CCDC85C: variants seen among roughly 807,000 people sequenced by gnomAD.
CCDC85C encodes coiled-coil domain-containing protein 85C.
CCDC85C carries 18 observed loss-of-function variants against 38.3 expected under a neutral mutation model. That is an observed-to-expected ratio of 0.47 (90% CI 0.33 to 0.70). The LOEUF is 0.70. Among genes scored for constraint, CCDC85C ranks in the 30% least tolerant of loss-of-function variants. The pLI is 0.03. For synonymous variants in CCDC85C, 264 were observed against 293.8 expected (o/e 0.90, Z 1.04); for missense variants, 566 against 621.2 (o/e 0.91, Z 0.94).
At position 99,583,601 on chromosome 14, in the gene CCDC85C, T is replaced by A. The variant is rs764897438; in HGVS notation, c.793+19566A>T. Among the ~76,000 whole-genome samples, 10 of 151,456 alleles carry A rather than the reference T, an allele frequency of 6.6e-5. No homozygotes were observed. The Middle Eastern group carries it at 0.011, about 161-fold the overall frequency. Reference sequence around the variant, plus strand: ...GCGGGCGGATCACAAGGTCAGAAGTTTGAGATCAGCCTGGCCAATACGGTA... The same window carrying A: ...GCGGGCGGATCACAAGGTCAGAAGTATGAGATCAGCCTGGCCAATACGGTA... On this transcript the variant is annotated intron_variant, in intron 1 of 5. Transcript: ENST00000380243.
At chr14:99,597,317 G>A (rs1283567585) in intron 1 of CCDC85C, among the ~76,000 whole-genome samples, 1 of 152,138 alleles carries the variant, frequency 6.6e-6, no homozygotes. Flanking sequence ...GTCAAGTCCC[G>A]CTTCCCACCT....
chr14:99,521,146 A>G (rs1246485915), intron 3 of CCDC85C, among the ~76,000 whole-genome samples: 1 of 152,236 alleles, frequency 6.6e-6, no homozygotes, highest in Non-Finnish European at 1.5e-5. Flanking sequence ...GGCACGGGGC[A>G]TGAAGACTAA....
At position 99,520,308 on chromosome 14, in the gene CCDC85C, G is replaced by C. The variant is rs1405697918; in HGVS notation, c.975+1825C>G. 1.3e-5 allele frequency among the ~76,000 whole-genome samples: 2 copies of C among 152,122 alleles called. No homozygotes were observed. Among genetic ancestry groups the C allele is most frequent in the East Asian group, 3.9e-4 (2 of 5,184 alleles). ...CCAAGTGCCAGACATGGGCTCTCCA[G>C]GCCCCAGCAAGGGCCTCTGGCCCTG... On this transcript the variant is annotated intron_variant, in intron 3 of 5. Coordinates refer to ENST00000380243, the MANE Select transcript of CCDC85C (RefSeq NM_001144995.2). The surrounding 1 kb of genome is among the most constrained non-coding windows in gnomAD (Gnocchi z 4.1).
At chr14:99,600,949 TG>T (rs1168042568) in intron 1 of CCDC85C, among the ~76,000 whole-genome samples, 3 of 152,126 alleles carry the variant, frequency 2.0e-5, no homozygotes, top group African/African-American at 7.2e-5. Flanking sequence ...CACTTAAGCC[TG>T]GGAGGTTGAG....
rs1896933537 is a variant in CCDC85C at position 99,504,802 on chromosome 14, A to G, written c.*10444T>C. ...AATTGACCGACATTAAATGTTAGACACAAGAACGGGCTACACTCCATGCCA... is the reference window on the plus strand; with the variant it reads ...AATTGACCGACATTAAATGTTAGACGCAAGAACGGGCTACACTCCATGCCA... On this transcript the variant is annotated 3_prime_UTR_variant, in exon 6 of 6. Transcript: ENST00000380243. 6.6e-6 allele frequency: 1 copy of G among 152,226 alleles called. No individual in the cohort carries two copies. Among genetic ancestry groups the G allele is most frequent in the Non-Finnish European group, 1.5e-5 (1 of 68,060 alleles). 9.4% of individuals were successfully genotyped at this position (152,226 alleles called of 1,614,324 possible).
chr14:99,503,709 C>A lies in CCDC85C; in HGVS notation c.*11537G>T, dbSNP rs1896900979. 8 of 1,367,216 alleles carry A rather than the reference C, an allele frequency of 5.9e-6. No individual in the cohort carries two copies. In the South Asian group the frequency reaches 1.1e-4, roughly 18 times the overall value. 84.7% of individuals were successfully genotyped at this position (1,367,216 alleles called of 1,614,324 possible). On this transcript the variant is annotated 3_prime_UTR_variant, in exon 6 of 6. Transcript: ENST00000380243. ...TATATGCAAAACTTTAAATTCTTAG[C>A]CAACATTGTTTCTTTTCAGATCTAA...
At position 99,507,171 on chromosome 14, in the gene CCDC85C, G is replaced by A; in HGVS notation, c.*8075C>T. On this transcript the variant is annotated 3_prime_UTR_variant, in exon 6 of 6. Coordinates refer to ENST00000380243, the MANE Select transcript of CCDC85C (RefSeq NM_001144995.2). ...AGGTAAGCATCTGCTGAAGCAGCTT[G>A]GCCAGCTGTGCACATCGCCTCTGAA... 1.4e-6 allele frequency: 2 copies of A among 1,451,738 alleles called. No individual in the cohort carries two copies. The highest frequency in any genetic ancestry group is 1.9e-6 in the Non-Finnish European group (2 of 1,032,596). 89.9% of individuals were successfully genotyped at this position (1,451,738 alleles called of 1,614,324 possible).
chr14:99,567,812 C>T (rs1385993284), intron 1 of CCDC85C, among the ~76,000 whole-genome samples: 2 of 152,124 alleles, frequency 1.3e-5, no homozygotes, highest in Admixed American at 1.3e-4. Context: ...GCAACAAGAG[C>T]GAAACTCTGT....
chr14:99,598,915 C>G (rs1222813076), intron 1 of CCDC85C, among the ~76,000 whole-genome samples: 2 of 152,192 alleles, frequency 1.3e-5, no homozygotes, highest in Non-Finnish European at 2.9e-5. Flanking sequence ...CCTGGGTCAC[C>G]TGCCTGGGAG....
rs988723789 is a variant in CCDC85C, at chr14:99,544,083, G to C, written c.794-7995C>G. ...TTTGCTGAGTACCCACCATATGCCA[G>C]CACACACGGAGCACAACCCCATCAC... On this transcript the variant is annotated intron_variant, in intron 1 of 5. Coordinates refer to ENST00000380243, the MANE Select transcript of CCDC85C (RefSeq NM_001144995.2). This position sits in a 1 kb window ranked among gnomAD's most constrained non-coding sequence, Gnocchi z 5.3. Among the ~76,000 whole-genome samples the C allele has an allele frequency of 6.6e-6, 1 of 152,186 alleles. No individual in the cohort carries two copies. Among genetic ancestry groups the C allele is most frequent in the African/African-American group, 2.4e-5 (1 of 41,434 alleles).
At chr14:99,596,038 G>A (rs1202553080) in intron 1 of CCDC85C, among the ~76,000 whole-genome samples, 3 of 152,272 alleles carry the variant, frequency 2.0e-5, no homozygotes, top group Non-Finnish European at 4.4e-5. Context: ...GCCCCAGGTG[G>A]GCAGGGAGGG....
intron 1 of CCDC85C, among the ~76,000 whole-genome samples, chr14:99,573,960 G>T (rs369841077): frequency 6.6e-6 from 1 of 152,166 alleles, no homozygotes; most frequent in African/African-American, 2.4e-5. Flanking sequence ...TCATCAACTC[G>T]TCTCATCCTG....
chr14:99,536,391 C>G, intron 1 of CCDC85C, among the ~76,000 whole-genome samples: 1 of 152,208 alleles, frequency 6.6e-6, no homozygotes, highest in Non-Finnish European at 1.5e-5. Flanking sequence ...CCTTCAGGAC[C>G]TGTAGAAAGG....
At position 99,502,820 on chromosome 14, in the gene CCDC85C, C is replaced by G. The variant is rs748943823; in HGVS notation, c.*12426G>C. ...ACAGCCCCCATCTCTTCAGCCTACA[C>G]CACAAGTGCCGCAAGTACAGCAGTC... is the stretch of plus-strand genomic sequence containing the variant. On this transcript the variant is annotated 3_prime_UTR_variant, in exon 6 of 6. Transcript: ENST00000380243. 3 of 1,613,842 alleles carry G rather than the reference C, an allele frequency of 1.9e-6. No homozygotes were observed. Among genetic ancestry groups the G allele is most frequent in the African/African-American group, 1.3e-5 (1 of 75,012 alleles).
At chr14:99,585,270 T>C (rs1459384867) in intron 1 of CCDC85C, among the ~76,000 whole-genome samples, 1 of 152,182 alleles carries the variant, frequency 6.6e-6, no homozygotes, top group Non-Finnish European at 1.5e-5. Flanking sequence ...CTAAATTTCC[T>C]ACAATAAACA....
At chr14:99,601,547 C>G (rs1206809178) in intron 1 of CCDC85C, among the ~76,000 whole-genome samples, 1 of 152,190 alleles carries the variant, frequency 6.6e-6, no homozygotes. Context: ...AAACATTTCA[C>G]TTTCCAGCCA....
At chr14:99,594,529 T>C (rs1595108563) in intron 1 of CCDC85C, among the ~76,000 whole-genome samples, 1 of 152,120 alleles carries the variant, frequency 6.6e-6, no homozygotes, top group Non-Finnish European at 1.5e-5. Context: ...ACGAGGCAGG[T>C]GATAAAACCC....
intron 1 of CCDC85C, among the ~76,000 whole-genome samples, chr14:99,549,438 T>C (rs1345221090): frequency 1.3e-5 from 2 of 152,148 alleles, no homozygotes; most frequent in African/African-American, 4.8e-5. Flanking sequence ...TTCACAGGCG[T>C]CTGGCTGGAA....
At chr14:99,551,680 GGGTGAGA>G (rs1179106570) in intron 1 of CCDC85C, among the ~76,000 whole-genome samples, 1 of 150,672 alleles carries the variant, frequency 6.6e-6, no homozygotes, top group Non-Finnish European at 1.5e-5. Flanking sequence ...GTGTGCAGGT[GGGTGAGA>G]GGTGAGTGTG....
Sources: gnomAD v4.1 joint callset for allele counts (sites outside exome capture counted in the v4.1 genomes callset) on GRCh38, gnomAD v4.1.1 for gene constraint, Gnocchi (gnomAD v3.1) non-coding constraint, MANE v1.5 for transcripts, NCBI Gene and HGNC (gene_info 2026-07-23, HGNC 2026-07-21) for gene names.